Variants in ADORA2B observed in about 807,000 individuals in gnomAD.
ADORA2B encodes the protein adenosine A2b receptor.
In ADORA2B, 18 loss-of-function variants were observed where a neutral mutation model predicts 20.8. The ratio of observed to expected loss-of-function variants is 0.87; its 90% confidence interval spans 0.60 to 1.29. The LOEUF (loss-of-function observed/expected upper bound fraction) is 1.29. ADORA2B is among the 50% of genes most tolerant of loss of function. ADORA2B has a pLI of 0.00. For synonymous variants in ADORA2B, 179 were observed against 178.3 expected, an observed-to-expected ratio of 1.00 and a Z score of -0.03; for missense variants, 441 against 422.7, an observed-to-expected ratio of 1.04 and a Z score of -0.38.
the ADORA2B span, among the ~76,000 whole-genome samples, chr17:15,867,713 G>T: frequency 6.6e-6 from 1 of 150,486 alleles, no homozygotes; most frequent in African/African-American, 2.5e-5. Context: ...CGTCCGGGAG[G>T]TGAGGGGCGC....
chr17:15,878,163 TTGTGTGTGTGTG>T, the ADORA2B span, among the ~76,000 whole-genome samples: 76 of 119,710 alleles, frequency 6.3e-4, no homozygotes, highest in South Asian at 2.0e-3. Context: ...CAGATATCCT[TTGTGTGTGTGTG>T]TGTGTGTATA....
At chr17:15,930,048 T>G in the ADORA2B span, among the ~76,000 whole-genome samples, 3 of 152,104 alleles carry the variant, frequency 2.0e-5, no homozygotes, top group Admixed American at 2.0e-4. Context: ...GCTATCCTAT[T>G]GCCTCGAGGC....
the ADORA2B span, among the ~76,000 whole-genome samples, chr17:15,932,381 T>C: frequency 6.6e-6 from 1 of 151,342 alleles, no homozygotes; most frequent in Non-Finnish European, 1.5e-5. Context: ...TATTCCCAGC[T>C]ACTGGGGAGG....
At chr17:15,867,392 C>T in the ADORA2B span, among the ~76,000 whole-genome samples, 17 of 151,942 alleles carry the variant, frequency 1.1e-4, no homozygotes, top group East Asian at 3.3e-3. Context: ...CTCCTCTGCT[C>T]TGCCGCCCCA....
the ADORA2B span, among the ~76,000 whole-genome samples, chr17:15,920,493 C>A: frequency 6.6e-6 from 1 of 152,134 alleles, no homozygotes; most frequent in African/African-American, 2.4e-5. Context: ...GAGGCTGAGG[C>A]GGGTAGATCA....
chr17:15,932,330 T>TA, the ADORA2B span, among the ~76,000 whole-genome samples: 1 of 151,832 alleles, frequency 6.6e-6, no homozygotes, highest in Non-Finnish European at 1.5e-5. Context: ...CCGTCTCTAC[T>TA]AAAAATACAA....
At chr17:15,944,930 G>A (rs924512456), upstream of ADORA2B, 2 of 205,326 alleles carry the variant, frequency 9.7e-6, no homozygotes, top group Non-Finnish European at 1.9e-5. This position sits in a 1 kb window ranked among gnomAD's most constrained non-coding sequence, Gnocchi z 4.8. Flanking sequence ...CAATTTGTTA[G>A]TTATCCGCCG....
the ADORA2B span, among the ~76,000 whole-genome samples, chr17:15,910,595 G>A: frequency 6.6e-6 from 1 of 152,104 alleles, no homozygotes; most frequent in Non-Finnish European, 1.5e-5. Context: ...CACCGTGCCC[G>A]GCCTACAAAT....
the ADORA2B span, among the ~76,000 whole-genome samples, chr17:15,880,022 G>C: frequency 6.7e-6 from 1 of 148,712 alleles, no homozygotes; most frequent in East Asian, 1.9e-4. Context: ...CCCTTGTTTT[G>C]GTGAAAGTCT....
chr17:15,909,561 C>T, the ADORA2B span, among the ~76,000 whole-genome samples: 38 of 133,576 alleles, frequency 2.8e-4, no homozygotes, highest in African/African-American at 1.2e-3. Flanking sequence ...TGCTAAGGAA[C>T]TCACGGTCCT....
the ADORA2B span, among the ~76,000 whole-genome samples, chr17:15,873,809 T>G: frequency 6.6e-6 from 1 of 152,158 alleles, no homozygotes; most frequent in Non-Finnish European, 1.5e-5. Flanking sequence ...TGTAAATTAA[T>G]ACAACCTCTT....
At chr17:15,860,312 T>C in the ADORA2B span, among the ~76,000 whole-genome samples, 15 of 152,280 alleles carry the variant, frequency 9.9e-5, no homozygotes, top group African/African-American at 2.4e-4. Context: ...GCAGCTCTTA[T>C]CTGCTACAGA....
At chr17:15,866,718 T>TGCCTCTGCCGCTGCCG in the ADORA2B span, among the ~76,000 whole-genome samples, 5 of 127,508 alleles carry the variant, frequency 3.9e-5, no homozygotes, top group African/African-American at 1.5e-4. Flanking sequence ...TGCCGCTGCC[T>TGCCTCTGCCGCTGCCG]CTGCCGCTGC....
At chr17:15,894,064 T>C in the ADORA2B span, among the ~76,000 whole-genome samples, 2 of 152,136 alleles carry the variant, frequency 1.3e-5, no homozygotes, top group Non-Finnish European at 2.9e-5. Flanking sequence ...TAGAACATCC[T>C]ACAATATGTC....
chr17:15,945,552 G>A lies in ADORA2B; in HGVS notation c.304G>A (p.Asp102Asn). The A allele has an allele frequency of 6.3e-7, 1 of 1,582,100 alleles. No homozygotes were observed. Among genetic ancestry groups the A allele is most frequent in the Non-Finnish European group, 8.6e-7 (1 of 1,167,332 alleles). Residue 102 changes from aspartate to asparagine, a missense_variant, in exon 1 of 2, where the codon GAC becomes AAC. Physicochemically the swap from Asp to Asn is conservative, Grantham distance 23. Coordinates refer to ENST00000304222, the MANE Select transcript of ADORA2B (RefSeq NM_000676.4). ...SIFSLLAVAV[D>N]RYLAICVPLR... Reference sequence around the variant, plus strand: ...CTTCAGCCTTCTGGCCGTGGCAGTCGACAGATACCTGGCCATCTGTGTCCC... The same window carrying A: ...CTTCAGCCTTCTGGCCGTGGCAGTCAACAGATACCTGGCCATCTGTGTCCC...
intron 1 of ADORA2B, among the ~76,000 whole-genome samples, chr17:15,966,112 A>G (rs1040325035): frequency 6.6e-6 from 1 of 152,246 alleles, no homozygotes; most frequent in African/African-American, 2.4e-5. Context: ...CTAAGAATGT[A>G]TATATTGCTT....
At chr17:15,930,401 A>G in the ADORA2B span, among the ~76,000 whole-genome samples, 1 of 151,682 alleles carries the variant, frequency 6.6e-6, no homozygotes, top group African/African-American at 2.4e-5. Flanking sequence ...GGCTCAAGCA[A>G]TCCTCCTACC....
chr17:15,868,909 A>G, the ADORA2B span, among the ~76,000 whole-genome samples: 1 of 151,280 alleles, frequency 6.6e-6, no homozygotes, highest in Non-Finnish European at 1.5e-5. Context: ...GCTTAAGTAG[A>G]GGGATGAGGA....
At chr17:15,930,488 G>A in the ADORA2B span, among the ~76,000 whole-genome samples, 2 of 152,020 alleles carry the variant, frequency 1.3e-5, no homozygotes, top group Non-Finnish European at 2.9e-5. Flanking sequence ...TAGATACAGG[G>A]TTTCGCTGTA....
Sources: allele counts gnomAD v4.1 joint callset (sites outside exome capture counted in the v4.1 genomes callset), GRCh38; gene constraint gnomAD v4.1.1; non-coding constraint Gnocchi (gnomAD v3.1); transcripts MANE v1.5; gene names NCBI Gene and HGNC (gene_info 2026-07-23, HGNC 2026-07-21).